The following UNC13A variants were observed in gnomAD, a reference collection of about 807,000 sequenced individuals.
UNC13A encodes the protein unc-13 homolog A.
In UNC13A, 61 loss-of-function variants were observed where a neutral mutation model predicts 219.7. The observed-to-expected ratio is 0.28, with a 90% CI of 0.23 to 0.34. UNC13A has a LOEUF of 0.34. UNC13A is among the 10% of genes least tolerant of loss of function. The probability of loss-of-function intolerance (pLI) is 1.00; values close to 1 mark genes in which losing one functional copy is unlikely to be tolerated. For missense variants in UNC13A, 1,476 were observed against 2,270.3 expected, an observed-to-expected ratio of 0.65 and a Z score of 7.11; for synonymous variants, 920 against 884.6, an observed-to-expected ratio of 1.04 and a Z score of -0.71.
intron 1 of UNC13A, among the ~76,000 whole-genome samples, chr19:17,686,650 T>C (rs2080117749): frequency 1.3e-5 from 2 of 152,116 alleles, no homozygotes; most frequent in South Asian, 2.1e-4. Flanking sequence ...GGGACCCTTC[T>C]TCCACCACCC....
chr19:17,613,701 T>C (rs113674193), intron 41 of UNC13A: 29,703 of 134,112 alleles, frequency 0.22, 3,310 homozygotes, highest in Non-Finnish European at 0.28. Flanking sequence ...ATCTTAAGTT[T>C]CTTTTTTTTT....
intron 1 of UNC13A, among the ~76,000 whole-genome samples, chr19:17,681,587 T>C (rs1301858164): frequency 6.6e-6 from 1 of 152,096 alleles, no homozygotes; most frequent in Non-Finnish European, 1.5e-5. Flanking sequence ...CCAGAGAGCT[T>C]CGGGAATAAG....
Position 17,617,854 on chromosome 19 carries a change from G to A in UNC13A, c.4411-5C>T, listed in dbSNP as rs1316440743. The A allele has an allele frequency of 1.2e-6, 2 of 1,613,646 alleles. No individual in the cohort carries two copies. The highest frequency in any genetic ancestry group is 1.7e-6 in the Non-Finnish European group (2 of 1,179,828). On this transcript the variant is annotated splice_polypyrimidine_tract_variant and splice_region_variant and intron_variant, in intron 40 of 43. Coordinates refer to ENST00000519716, the MANE Select transcript of UNC13A (RefSeq NM_001080421.3). ...GCCACCCGCGTGGAAATATTGCTGG[G>A]GAGGACAGGGTGGGGAGAGGTGAGG...
chr19:17,630,384 C>T (rs1303396128), intron 29 of UNC13A, 96 bp from the exon 30 acceptor site: 1 of 1,505,136 alleles, frequency 6.6e-7, no homozygotes, highest in South Asian at 1.3e-5. Context: ...AGCCAGAGAC[C>T]AATTTCCCCG....
At chr19:17,633,017 GT>G (rs2076873699) in intron 27 of UNC13A, 90 bp downstream of exon 27, 5 of 1,605,308 alleles carry the variant, frequency 3.1e-6, no homozygotes, top group Admixed American at 1.7e-5. Context: ...AGGCATGAGG[GT>G]ATTATAGGGT....
In UNC13A at chr19:17,674,063, T is replaced by C. The variant is rs775417789; in HGVS notation, c.152+594A>G. Among the ~76,000 whole-genome samples, 9 of 152,224 alleles carry C rather than the reference T, an allele frequency of 5.9e-5. No homozygotes were observed. The highest frequency in any genetic ancestry group is 1.2e-4 in the Non-Finnish European group (8 of 68,040). ...GGTGGCAAGGCCTGGGAAGGCATGA[T>C]GCCCTGAAATTGTAGCTTGGAGGTA... On this transcript the variant is annotated intron_variant, in intron 3 of 43. Coordinates refer to ENST00000519716, the MANE Select transcript of UNC13A (RefSeq NM_001080421.3). This position sits in a 1 kb window ranked among gnomAD's most constrained non-coding sequence, Gnocchi z 5.0.
chr19:17,602,043 C>A lies in UNC13A; in HGVS notation c.*4011G>T, dbSNP rs893612154. On this transcript the variant is annotated 3_prime_UTR_variant, in exon 44 of 44. Transcript: ENST00000519716. ...GACAGAAAGGCTCTGAGATCCCAGC[C>A]GAGAGAGGTCCCAAGGATTTCTAGT... is the stretch of plus-strand genomic sequence containing the variant. 1 of 152,478 alleles carries A rather than the reference C, an allele frequency of 6.6e-6. No individual in the cohort carries two copies. Among genetic ancestry groups the A allele is most frequent in the East Asian group, 1.9e-4 (1 of 5,188 alleles). The allele number at this position is 152,478 out of a possible 1,614,324, so 9.4% of individuals were successfully genotyped here.
intron 11 of UNC13A, among the ~76,000 whole-genome samples, chr19:17,653,161 T>C (rs759069669): frequency 3.3e-4 from 50 of 151,874 alleles, no homozygotes; most frequent in Non-Finnish European, 6.0e-4. Context: ...CAGGCAGCAC[T>C]CTTCTGTTCT....
At chr19:17,636,980 T>A (rs2076918612) in intron 25 of UNC13A, among the ~76,000 whole-genome samples, 1 of 152,076 alleles carries the variant, frequency 6.6e-6, no homozygotes, top group Non-Finnish European at 1.5e-5. Context: ...TCTATTTTTT[T>A]TTTTTTTCTT....
intron 26 of UNC13A, among the ~76,000 whole-genome samples, chr19:17,634,912 C>T (rs1314585675): frequency 6.6e-6 from 1 of 152,028 alleles, no homozygotes. Context: ...CACTCTGTTG[C>T]CCAGGCTGGA....
At chr19:17,618,830 C>T (rs923619286) in intron 39 of UNC13A, 76 bp downstream of exon 39, 12 of 1,474,966 alleles carry the variant, frequency 8.1e-6, no homozygotes, top group Non-Finnish European at 1.1e-5. Context: ...ACCCCTCCCC[C>T]AGGATGGTGG....
At chr19:17,682,591 A>G (rs1282298126) in intron 1 of UNC13A, among the ~76,000 whole-genome samples, 1 of 152,190 alleles carries the variant, frequency 6.6e-6, no homozygotes, top group South Asian at 2.1e-4. Context: ...TCTGGAGGGC[A>G]TCCCATGAGA....
At chr19:17,606,428 G>T in intron 43 of UNC13A, 74 bp from the exon 44 acceptor site, 1 of 1,498,956 alleles carries the variant, frequency 6.7e-7, no homozygotes. Context: ...CGTCCCCACC[G>T]CATTTGCGGG....
intron 28 of UNC13A, among the ~76,000 whole-genome samples, chr19:17,631,601 T>C (rs1373091940): frequency 6.6e-6 from 1 of 151,966 alleles, no homozygotes; most frequent in East Asian, 1.9e-4. Flanking sequence ...GACACCACAA[T>C]TCTCAGGAAC....
Position 17,604,480 on chromosome 19 carries a change from G to C in UNC13A, c.*1574C>G, listed in dbSNP as rs533917592. ...CAGGCCTGGAGCTCTTTTCTCTCTA[G>C]TAAGTGGTTCCCTCTCATTCTTCAC... On this transcript the variant is annotated 3_prime_UTR_variant, in exon 44 of 44. Transcript: ENST00000519716. The C allele has an allele frequency of 6.6e-6, 1 of 152,276 alleles. No individual in the cohort carries two copies. The highest frequency in any genetic ancestry group is 2.4e-5 in the African/African-American group (1 of 41,512). 9.4% of individuals were successfully genotyped at this position (152,276 alleles called of 1,614,324 possible).
At chr19:17,642,472 T>C (rs2076981491) in intron 20 of UNC13A, among the ~76,000 whole-genome samples, 1 of 152,234 alleles carries the variant, frequency 6.6e-6, no homozygotes, top group Non-Finnish European at 1.5e-5. Context: ...CAATCATTCA[T>C]TCATTCACCA....
At chr19:17,639,797 C>G in intron 23 of UNC13A, 43 bp downstream of exon 23, 1 of 1,601,444 alleles carries the variant, frequency 6.2e-7, no homozygotes, top group Non-Finnish European at 8.6e-7. Flanking sequence ...CAGGCACACA[C>G]ATGTGCGTGG....
chr19:17,673,250 G>A (rs1599409071), intron 3 of UNC13A, among the ~76,000 whole-genome samples: 2 of 151,586 alleles, frequency 1.3e-5, no homozygotes, highest in East Asian at 1.9e-4. Flanking sequence ...CCAGCTACTC[G>A]GGAGGCTGAG....
chr19:17,669,805 T>A, intron 4 of UNC13A, 129 bp from the exon 5 acceptor site: 1 of 1,097,762 alleles, frequency 9.1e-7, no homozygotes, highest in Non-Finnish European at 1.2e-6. Context: ...CTCTCTATCT[T>A]TCCTTCCGTC....
Sources: allele counts gnomAD v4.1 joint callset (sites outside exome capture counted in the v4.1 genomes callset), GRCh38; gene constraint gnomAD v4.1.1; non-coding constraint Gnocchi (gnomAD v3.1); transcripts MANE v1.5; gene names NCBI Gene and HGNC (gene_info 2026-07-23, HGNC 2026-07-21).